Variants in EYS observed in about 807,000 individuals in gnomAD.
EYS encodes protein eyes shut homolog.
EYS carries 250 observed loss-of-function variants against 282.1 expected under a neutral mutation model. The ratio of observed to expected loss-of-function variants is 0.89; its 90% CI spans 0.80 to 0.98. EYS has a LOEUF of 0.98. EYS is among the 50% of genes least tolerant of loss of function. The pLI is 0.00. For synonymous variants in EYS, 1,355 were observed against 1,282.9 expected (o/e 1.06, Z -1.20); for missense variants, 4,016 against 3,709.0 (o/e 1.08, Z -2.15).
chr6:65,336,107 T>C (rs1039902161), intron 10 of EYS, among the ~76,000 whole-genome samples: 3 of 151,760 alleles, frequency 2.0e-5, no homozygotes, highest in Non-Finnish European at 4.4e-5. Context: ...CCATGCCTCC[T>C]GTAGAGCCTG....
Position 64,945,782 on chromosome 6 carries a change from A to G in EYS, c.2381+11T>C. On this transcript the variant is annotated intron_variant, in intron 15 of 42. Coordinates refer to ENST00000503581, the MANE Select transcript of EYS (RefSeq NM_001142800.2). The stretch of plus-strand genomic sequence containing the variant: ...TAATTTCATGAAGAAAGCTAAAAAT[A>G]TGTTACTCACCGATAGCTTTTGTAA... 2 of 1,548,518 alleles carry G rather than the reference A, an allele frequency of 1.3e-6. No homozygotes were observed. The highest frequency in any genetic ancestry group is 1.7e-4 in the Middle Eastern group (1 of 5,970).
In EYS at chr6:65,184,786, C is replaced by A. The variant is rs1765477106; in HGVS notation, c.2023+111077G>T. Among the ~76,000 whole-genome samples the A allele has an allele frequency of 2.6e-5, 4 of 151,574 alleles. No homozygotes were observed. The South Asian group carries it at 8.3e-4, about 31-fold the overall frequency. On this transcript the variant is annotated intron_variant, in intron 12 of 42. Coordinates refer to ENST00000503581, the MANE Select transcript of EYS (RefSeq NM_001142800.2). Reference sequence around the variant, plus strand: ...CCTTCTGGAAAGCAATTTGGCTTCACAAATATAAAACCTCAAATAAATTTA... The same window carrying A: ...CCTTCTGGAAAGCAATTTGGCTTCAAAAATATAAAACCTCAAATAAATTTA...
At chr6:65,185,952 A>G (rs1335110902) in intron 12 of EYS, among the ~76,000 whole-genome samples, 1 of 150,460 alleles carries the variant, frequency 6.6e-6, no homozygotes, top group Non-Finnish European at 1.5e-5. Context: ...TTTAATCTCC[A>G]CATCCACTTT....
At chr6:64,562,437 A>G (rs1443638321) in intron 26 of EYS, among the ~76,000 whole-genome samples, 1 of 151,962 alleles carries the variant, frequency 6.6e-6, no homozygotes, top group African/African-American at 2.4e-5. Context: ...TATAGAACCT[A>G]AAGTTTAAAA....
At chr6:65,405,077 C>T in intron 6 of EYS, 97 bp downstream of exon 6, 5 of 856,518 alleles carry the variant, frequency 5.8e-6, no homozygotes, top group East Asian at 2.7e-5. Flanking sequence ...AATTAAACTA[C>T]CTTAATAAGG....
chr6:65,026,035 G>A lies in EYS; in HGVS notation c.2138-28332C>T, dbSNP rs187805141. Among the ~76,000 whole-genome samples, 195 of 152,240 alleles carry A rather than the reference G, an allele frequency of 1.3e-3. 1 individual carries two copies. The highest frequency in any genetic ancestry group is 0.01 in the Middle Eastern group (3 of 294). Reference sequence around the variant, plus strand: ...TATGTATTTTTTTATTCAATTCTGTGTCAGTGTCTCTCATTCTTCATCAGT... The same window carrying A: ...TATGTATTTTTTTATTCAATTCTGTATCAGTGTCTCTCATTCTTCATCAGT... On this transcript the variant is annotated intron_variant, in intron 13 of 42. Transcript: ENST00000503581.
chr6:64,424,546 T>G (rs894348807), intron 28 of EYS, among the ~76,000 whole-genome samples: 2 of 152,186 alleles, frequency 1.3e-5, no homozygotes, highest in Non-Finnish European at 2.9e-5. Context: ...TCTGCTTTAT[T>G]TCACTGCAAA....
intron 5 of EYS, among the ~76,000 whole-genome samples, chr6:65,435,434 G>A (rs1768038318): frequency 1.0e-5 from 1 of 100,068 alleles, no homozygotes. Context: ...AACAATAGAT[G>A]TCTTTTTATG....
chr6:65,678,001 G>T (rs1176880419), intron 1 of EYS, among the ~76,000 whole-genome samples: 1 of 152,044 alleles, frequency 6.6e-6, no homozygotes, highest in Non-Finnish European at 1.5e-5. Context: ...AATTTATAAA[G>T]AAAAGAGTTA....
chr6:65,324,376 A>G (rs1194399306), intron 11 of EYS, among the ~76,000 whole-genome samples: 2 of 152,196 alleles, frequency 1.3e-5, no homozygotes, highest in African/African-American at 4.8e-5. Context: ...ACGGAAAGGA[A>G]GGAGCCAGAT....
intron 1 of EYS, among the ~76,000 whole-genome samples, chr6:65,692,579 C>T (rs1769283411): frequency 6.7e-6 from 1 of 149,672 alleles, no homozygotes. Flanking sequence ...TAAAAGATGT[C>T]ACTACAATGA....
intron 28 of EYS, among the ~76,000 whole-genome samples, chr6:64,395,633 C>T (rs1452876455): frequency 1.6e-4 from 12 of 73,734 alleles, no homozygotes; most frequent in Admixed American, 7.0e-4. Context: ...GGACTGTTGT[C>T]GGGTTGGGGG....
chr6:65,559,579 A>C (rs1768953160), intron 2 of EYS, among the ~76,000 whole-genome samples: 1 of 152,124 alleles, frequency 6.6e-6, no homozygotes. Flanking sequence ...CCAAACCCAA[A>C]CAGGAATAAC....
At chr6:65,079,685 C>T (rs1774169986) in intron 12 of EYS, among the ~76,000 whole-genome samples, 1 of 151,800 alleles carries the variant, frequency 6.6e-6, no homozygotes, top group African/African-American at 2.4e-5. Flanking sequence ...TATTGGATAG[C>T]CTTGAGAAAA....
At chr6:65,539,540 C>T (rs573612715) in intron 2 of EYS, among the ~76,000 whole-genome samples, 2 of 152,202 alleles carry the variant, frequency 1.3e-5, no homozygotes, top group Non-Finnish European at 2.9e-5. Flanking sequence ...CAAATCATGA[C>T]ATTATAATAA....
At chr6:63,863,678 T>TTCTTTTC in intron 36 of EYS, among the ~76,000 whole-genome samples, 10 of 127,028 alleles carry the variant, frequency 7.9e-5, no homozygotes, top group African/African-American at 2.9e-4. Context: ...CTTTTTTCTT[T>TTCTTTTC]TTTTTTTTTT....
At chr6:65,553,163 G>C (rs1239322339) in intron 2 of EYS, among the ~76,000 whole-genome samples, 1 of 152,074 alleles carries the variant, frequency 6.6e-6, no homozygotes, top group African/African-American at 2.4e-5. Flanking sequence ...CACTTCTATA[G>C]TGATATCCTC....
At chr6:63,894,980 A>G (rs935997312) in intron 35 of EYS, among the ~76,000 whole-genome samples, 6 of 152,006 alleles carry the variant, frequency 3.9e-5, no homozygotes, top group Non-Finnish European at 8.8e-5. Flanking sequence ...TGTTGGCTGT[A>G]CTAAGACAGG....
At chr6:65,007,559 T>A (rs1232437418) in intron 13 of EYS, among the ~76,000 whole-genome samples, 1 of 152,256 alleles carries the variant, frequency 6.6e-6, no homozygotes, top group African/African-American at 2.4e-5. Flanking sequence ...AAGAGACAAC[T>A]GGCAATTATG....
Sources: gnomAD v4.1 joint callset for allele counts (sites outside exome capture counted in the v4.1 genomes callset) on GRCh38, gnomAD v4.1.1 for gene constraint, MANE v1.5 for transcripts, NCBI Gene and HGNC (gene_info 2026-07-23, HGNC 2026-07-21) for gene names.